Variants in PALM2AKAP2 observed in about 807,000 individuals in gnomAD.
PALM2AKAP2 encodes the protein PALM2 and AKAP2 fusion.
In PALM2AKAP2, 37 loss-of-function variants were observed where a neutral mutation model predicts 71.5. The ratio of observed to expected loss-of-function variants is 0.52; its 90% CI spans 0.40 to 0.68. PALM2AKAP2 has a LOEUF of 0.68. Ranked by LOEUF, PALM2AKAP2 falls within the 30% of genes least tolerant of loss-of-function variation. The pLI, the probability that PALM2AKAP2 is intolerant of heterozygous loss-of-function variation, is 0.00. For missense variants in PALM2AKAP2, 1,224 were observed against 1,191.8 expected, an observed-to-expected ratio of 1.03 and a Z score of -0.40; for synonymous variants, 468 against 478.8, an observed-to-expected ratio of 0.98 and a Z score of 0.29.
chr9:109,914,298 C>A (rs185192928), intron 3 of PALM2AKAP2, among the ~76,000 whole-genome samples: 72 of 152,298 alleles, frequency 4.7e-4, no homozygotes, highest in Admixed American at 1.1e-3. Context: ...GAAGAAAGGG[C>A]TAAAGAAGAT....
At chr9:110,125,274 A>G (rs1291058285) in intron 1 of PALM2AKAP2, among the ~76,000 whole-genome samples, 2 of 152,120 alleles carry the variant, frequency 1.3e-5, no homozygotes, top group Non-Finnish European at 2.9e-5. Context: ...ATGCTAACTG[A>G]TTCACCTCAA....
intron 6 of PALM2AKAP2, among the ~76,000 whole-genome samples, chr9:109,979,432 C>T (rs1457018910): frequency 1.3e-5 from 2 of 152,212 alleles, no homozygotes; most frequent in Non-Finnish European, 2.9e-5. Flanking sequence ...GGATATCAGT[C>T]ACCTGTCTCT....
chr9:109,903,607 A>T (rs976043850), intron 3 of PALM2AKAP2, among the ~76,000 whole-genome samples: 1 of 152,144 alleles, frequency 6.6e-6, no homozygotes, highest in Non-Finnish European at 1.5e-5. Flanking sequence ...TGGACATTTA[A>T]TGAACTTTCT....
chr9:110,157,644 C>G (rs1836492596), intron 3 of PALM2AKAP2, among the ~76,000 whole-genome samples: 1 of 152,118 alleles, frequency 6.6e-6, no homozygotes, highest in Non-Finnish European at 1.5e-5. Flanking sequence ...AAGGGATACT[C>G]CCACCCCAGC....
chr9:109,895,559 G>A (rs1830179879), intron 3 of PALM2AKAP2, among the ~76,000 whole-genome samples: 1 of 152,132 alleles, frequency 6.6e-6, no homozygotes, highest in African/African-American at 2.4e-5. Context: ...GATCCACTGT[G>A]GTTAAAATGT....
chr9:109,645,966 G>A (rs964154633), intron 1 of PALM2AKAP2, among the ~76,000 whole-genome samples: 1 of 152,054 alleles, frequency 6.6e-6, no homozygotes, highest in African/African-American at 2.4e-5. Context: ...TCCACCTTAA[G>A]AGGCTAGAAG....
At chr9:109,995,741 G>C (rs554074867) in intron 6 of PALM2AKAP2, among the ~76,000 whole-genome samples, 80 of 152,306 alleles carry the variant, frequency 5.3e-4, no homozygotes, top group African/African-American at 1.9e-3. Flanking sequence ...CATTATGGGA[G>C]CTACAATTTG....
chr9:109,737,631 T>A (rs73657041), intron 1 of PALM2AKAP2, among the ~76,000 whole-genome samples: 2,299 of 152,326 alleles, frequency 0.015, 63 homozygotes, highest in African/African-American at 0.052. Flanking sequence ...TTGCTAATTT[T>A]AGCTAGGTGC....
At chr9:110,135,172 A>AATATATATATATAGATATATATAT (rs1835828565) in intron 1 of PALM2AKAP2, among the ~76,000 whole-genome samples, 1 of 61,100 alleles carries the variant, frequency 1.6e-5, no homozygotes, top group African/African-American at 6.1e-5. Context: ...AAAATATATA[A>AATATATATATATAGATATATATAT]ATATATATAT....
intron 1 of PALM2AKAP2, among the ~76,000 whole-genome samples, chr9:109,788,420 A>T (rs1326401332): frequency 6.6e-6 from 1 of 152,234 alleles, no homozygotes; most frequent in Admixed American, 6.5e-5. Context: ...GGTATAGAAC[A>T]GTAATTCTCA....
At chr9:109,991,819 G>C (rs1390443635) in intron 6 of PALM2AKAP2, among the ~76,000 whole-genome samples, 1 of 152,128 alleles carries the variant, frequency 6.6e-6, no homozygotes, top group Admixed American at 6.5e-5. Context: ...TGTCTCAGCT[G>C]GGACATAATC....
At chr9:109,695,543 G>A (rs982034649) in intron 1 of PALM2AKAP2, among the ~76,000 whole-genome samples, 2 of 152,072 alleles carry the variant, frequency 1.3e-5, no homozygotes, top group Admixed American at 1.3e-4. Flanking sequence ...TTTCCCTGAT[G>A]ATTAGTGTTG....
At chr9:110,001,327 A>T (rs146955601) in intron 6 of PALM2AKAP2, among the ~76,000 whole-genome samples, 2,810 of 152,126 alleles carry the variant, frequency 0.018, 97 homozygotes, top group African/African-American at 0.064. Flanking sequence ...TAGTTGTAGA[A>T]ATGTGGCATT....
At chr9:110,037,594 T>C (rs975026721) in intron 7 of PALM2AKAP2, among the ~76,000 whole-genome samples, 4 of 152,182 alleles carry the variant, frequency 2.6e-5, no homozygotes, top group African/African-American at 9.7e-5. Flanking sequence ...TGTACTTATG[T>C]AGATTACACT....
intron 1 of PALM2AKAP2, among the ~76,000 whole-genome samples, chr9:110,094,404 T>G (rs1251147669): frequency 6.6e-6 from 1 of 152,206 alleles, no homozygotes; most frequent in Non-Finnish European, 1.5e-5. Context: ...CTCACATTGC[T>G]ATGAAGAAAT....
intron 3 of PALM2AKAP2, among the ~76,000 whole-genome samples, chr9:109,889,958 T>C (rs1830048591): frequency 6.6e-6 from 1 of 152,190 alleles, no homozygotes; most frequent in South Asian, 2.1e-4. Flanking sequence ...GTTCCAGGCT[T>C]TTTGGCCTAT....
chr9:110,005,663 G>A (rs188503783), intron 6 of PALM2AKAP2, among the ~76,000 whole-genome samples: 26 of 152,342 alleles, frequency 1.7e-4, no homozygotes, highest in African/African-American at 6.0e-4. Flanking sequence ...TTGAGGTGCG[G>A]TGGGCTCCAC....
At chr9:109,869,409 A>C (rs1167425568) in intron 2 of PALM2AKAP2, among the ~76,000 whole-genome samples, 3 of 151,964 alleles carry the variant, frequency 2.0e-5, no homozygotes. Context: ...GCTCACTGCA[A>C]GCTCCGCCTC....
At position 109,867,427 on chromosome 9, in the gene PALM2AKAP2, T is replaced by G. The variant is rs140265219; in HGVS notation, c.46-64T>G. On this transcript the variant is annotated intron_variant, in intron 1 of 9. Coordinates refer to the PALM2AKAP2 transcript ENST00000302798. ...GTGTGCTGCTGCTGCTGCTGCTTTC[T>G]GCCTTAAAATTTCTGGAGCCAACAC... 2,346 of 1,582,236 alleles carry G rather than the reference T, an allele frequency of 1.5e-3. 43 individuals are homozygous for G. The East Asian group carries it at 0.036, about 24-fold the overall frequency.
Sources: allele counts gnomAD v4.1 joint callset (sites outside exome capture counted in the v4.1 genomes callset), GRCh38; gene constraint gnomAD v4.1.1; transcripts MANE v1.5; gene names NCBI Gene and HGNC (gene_info 2026-07-23, HGNC 2026-07-21).